Variants in TSPAN18 observed in about 807,000 individuals in gnomAD.
TSPAN18 encodes the protein tetraspanin 18, also known as tetraspanin-18.
TSPAN18 carries 14 observed loss-of-function variants against 27.3 expected under a neutral mutation model. That is an observed-to-expected ratio of 0.51 (90% CI 0.34 to 0.80). TSPAN18 has a LOEUF of 0.80. TSPAN18 is among the 30% of genes least tolerant of loss of function. The pLI is 0.01. For missense variants in TSPAN18, 268 were observed against 323.9 expected, an observed-to-expected ratio of 0.83 and a Z score of 1.32; for synonymous variants, 143 against 136.5, an observed-to-expected ratio of 1.05 and a Z score of -0.33.
intron 2 of TSPAN18, among the ~76,000 whole-genome samples, chr11:44,773,259 A>G (rs1024794612): frequency 6.6e-6 from 1 of 152,052 alleles, no homozygotes; most frequent in Non-Finnish European, 1.5e-5. Flanking sequence ...TCTACTAAAA[A>G]TATAAAATTA....
intron 1 of TSPAN18, among the ~76,000 whole-genome samples, chr11:44,749,395 A>G (rs551874385): frequency 7.2e-5 from 11 of 152,280 alleles, no homozygotes; most frequent in African/African-American, 2.6e-4. Flanking sequence ...TGCCTTGGCA[A>G]ACTTTTTTGC....
chr11:44,778,320 T>C (rs1855861717), intron 2 of TSPAN18, among the ~76,000 whole-genome samples: 1 of 152,146 alleles, frequency 6.6e-6, no homozygotes, highest in Non-Finnish European at 1.5e-5. Context: ...TCCCCTTTCC[T>C]TGGGGCCAAG....
chr11:44,861,030 G>A (rs2135212550), intron 3 of TSPAN18, among the ~76,000 whole-genome samples: 1 of 152,150 alleles, frequency 6.6e-6, no homozygotes, highest in Non-Finnish European at 1.5e-5. Flanking sequence ...TATATTTGGG[G>A]CCTATTTATT....
At chr11:44,908,752 GA>G (rs1176421852) in intron 4 of TSPAN18, among the ~76,000 whole-genome samples, 2 of 47,650 alleles carry the variant, frequency 4.2e-5, no homozygotes, top group Non-Finnish European at 8.4e-5. Context: ...GAAAGAGAGA[GA>G]GAGAGAGAGA....
chr11:44,879,246 C>T (rs1028796575), intron 3 of TSPAN18, among the ~76,000 whole-genome samples: 2 of 152,010 alleles, frequency 1.3e-5, no homozygotes, highest in African/African-American at 4.8e-5. Context: ...ATTTATCCCT[C>T]CCTCCCTCTC....
chr11:44,786,569 G>A (rs994769678), intron 2 of TSPAN18, among the ~76,000 whole-genome samples: 2 of 151,212 alleles, frequency 1.3e-5, no homozygotes, highest in Non-Finnish European at 2.9e-5. Flanking sequence ...AGTTGCCCCA[G>A]GATCTAGGGT....
At chr11:44,892,972 G>T (rs1160748688) in intron 3 of TSPAN18, among the ~76,000 whole-genome samples, 1 of 152,232 alleles carries the variant, frequency 6.6e-6, no homozygotes, top group Non-Finnish European at 1.5e-5. Flanking sequence ...TTGGTGGGAA[G>T]AGCAGCGGGC....
chr11:44,818,607 C>T (rs1257448948), intron 2 of TSPAN18, among the ~76,000 whole-genome samples: 1 of 152,174 alleles, frequency 6.6e-6, no homozygotes, highest in Non-Finnish European at 1.5e-5. Flanking sequence ...CCATTCCCCT[C>T]TGCCTGCCTG....
chr11:44,882,625 CACAG>C (rs1250071281), intron 3 of TSPAN18, among the ~76,000 whole-genome samples: 1,719 of 62,184 alleles, frequency 0.028, 42 homozygotes, highest in African/African-American at 0.064. Flanking sequence ...CACACACACA[CACAG>C]AGAGAGAGCA....
In TSPAN18 at chr11:44,765,299, G is replaced by C. The variant is rs543906376; in HGVS notation, c.-153+787G>C. ...AGGGCTGAAATAGAAGAAGTGACAG[G>C]TCAGGGGTTGGGAGGTTGTGGAAGG... On this transcript the variant is annotated intron_variant, in intron 2 of 9. Coordinates refer to ENST00000520358, the MANE Select transcript of TSPAN18 (RefSeq NM_130783.5). 1.7e-4 allele frequency among the ~76,000 whole-genome samples: 26 copies of C among 152,310 alleles called. No individual in the cohort carries two copies. The South Asian group carries it at 5.2e-3, about 30-fold the overall frequency.
rs752763332 is a variant in TSPAN18 at position 44,863,784 on chromosome 11, G to A, written c.-11+3315G>A. 0.028 allele frequency among the ~76,000 whole-genome samples: 82 copies of A among 2,944 alleles called. No homozygotes were observed. In the Non-Finnish European group the frequency reaches 0.34, roughly 12 times the overall value. The allele number at this position is 2,944 out of a possible 152,430, so 1.9% of individuals were successfully genotyped here. On this transcript the variant is annotated intron_variant, in intron 3 of 9. Transcript: ENST00000520358. ...TCAGTATTCTTATAAGTAAGTTAGAGATAGTAATAGTCACTTCTCGTAAGA... is the reference window on the plus strand; with the variant it reads ...TCAGTATTCTTATAAGTAAGTTAGAAATAGTAATAGTCACTTCTCGTAAGA...
At chr11:44,799,688 A>G (rs1010220794) in intron 2 of TSPAN18, among the ~76,000 whole-genome samples, 2 of 152,102 alleles carry the variant, frequency 1.3e-5, no homozygotes, top group Non-Finnish European at 1.5e-5. Flanking sequence ...TTCCCTTTCT[A>G]CGAAAGAGGA....
At chr11:44,914,813 G>A (rs554815140) in intron 5 of TSPAN18, among the ~76,000 whole-genome samples, 14 of 152,330 alleles carry the variant, frequency 9.2e-5, no homozygotes, top group Non-Finnish European at 1.8e-4. Context: ...GATCCGCAGT[G>A]TCTGGGTAGC....
At chr11:44,882,627 C>CACACACAGAGAGAG (rs375349718) in intron 3 of TSPAN18, among the ~76,000 whole-genome samples, 1 of 130,690 alleles carries the variant, frequency 7.7e-6, no homozygotes, top group African/African-American at 3.0e-5. Flanking sequence ...CACACACACA[C>CACACACAGAGAGAG]AGAGAGAGAG....
At chr11:44,747,808 G>T (rs1170924315) in intron 1 of TSPAN18, among the ~76,000 whole-genome samples, 1 of 152,014 alleles carries the variant, frequency 6.6e-6, no homozygotes, top group African/African-American at 2.4e-5. Flanking sequence ...CAAAGTGCAG[G>T]TGGAACTTCC....
intron 4 of TSPAN18, among the ~76,000 whole-genome samples, chr11:44,907,917 T>C (rs2135330716): frequency 6.6e-6 from 1 of 152,178 alleles, no homozygotes; most frequent in South Asian, 2.1e-4. Context: ...TAGCCATGCG[T>C]GGTAGCGGGT....
chr11:44,736,197 C>CA (rs1336907946), intron 1 of TSPAN18: 4 of 152,204 alleles, frequency 2.6e-5, no homozygotes, highest in Non-Finnish European at 5.9e-5. Flanking sequence ...TCCTGAGCAT[C>CA]AAAGGAGGTG....
intron 3 of TSPAN18, among the ~76,000 whole-genome samples, chr11:44,904,143 A>G (rs752082436): frequency 1.1e-4 from 16 of 152,126 alleles, no homozygotes; most frequent in Non-Finnish European, 2.4e-4. Context: ...GGTTCACCCC[A>G]TGATTTTTTC....
At position 44,799,369 on chromosome 11, in the gene TSPAN18, G is replaced by A. The variant is rs542807339; in HGVS notation, c.-153+34857G>A. ...GCACACCCTATACCTTGGTCCAAAC[G>A]ACACACCCACGACACCATGCCAACC... is the stretch of plus-strand genomic sequence containing the variant. On this transcript the variant is annotated intron_variant, in intron 2 of 9. Coordinates refer to ENST00000520358, the MANE Select transcript of TSPAN18 (RefSeq NM_130783.5). Among the ~76,000 whole-genome samples, 29 of 152,250 alleles carry A rather than the reference G, an allele frequency of 1.9e-4. No individual in the cohort carries two copies. In the South Asian group the frequency reaches 2.7e-3, roughly 14 times the overall value.
Sources: allele counts gnomAD v4.1 joint callset (sites outside exome capture counted in the v4.1 genomes callset), GRCh38; gene constraint gnomAD v4.1.1; transcripts MANE v1.5; gene names NCBI Gene and HGNC (gene_info 2026-07-23, HGNC 2026-07-21).